Variants in WNT8B observed in about 807,000 individuals in gnomAD.
The protein encoded by WNT8B is protein Wnt-8b.
WNT8B carries 24 observed loss-of-function variants against 36.6 expected under a neutral mutation model. The ratio of observed to expected loss-of-function variants is 0.66; its 90% CI spans 0.48 to 0.92. The LOEUF (loss-of-function observed/expected upper bound fraction) is 0.92, where lower values mean the gene tolerates loss of function less well. Among genes scored for constraint, WNT8B ranks in the 40% least tolerant of loss-of-function variants. The pLI is 0.00. For synonymous variants in WNT8B, 199 were observed against 189.8 expected (o/e 1.05, Z -0.40); for missense variants, 402 against 470.8 (o/e 0.85, Z 1.35).
chr10:100,466,976 A>ATT (rs143845416), intron 1 of WNT8B, among the ~76,000 whole-genome samples: 5 of 150,386 alleles, frequency 3.3e-5, no homozygotes, highest in Admixed American at 6.6e-5. Flanking sequence ...CAGAAAGTGG[A>ATT]TTTTTTTTTT....
rs1370126773 is a variant in WNT8B, at chr10:100,483,174, C to A, written c.*358C>A. The A allele has an allele frequency of 4.5e-6, 1 of 222,512 alleles. No individual in the cohort carries two copies. The highest frequency in any genetic ancestry group is 2.3e-5 in the African/African-American group (1 of 43,894). 13.8% of individuals were successfully genotyped at this position (222,512 alleles called of 1,614,324 possible). On this transcript the variant is annotated 3_prime_UTR_variant, in exon 6 of 6. Coordinates refer to ENST00000343737, the MANE Select transcript of WNT8B (RefSeq NM_003393.4). ...GCTGGAAGAACCCTTCTCAGACACG[C>A]AGGACCCAGGTAAAGTCAAAGCTTT...
intron 3 of WNT8B, among the ~76,000 whole-genome samples, chr10:100,480,481 A>G (rs1851096092): frequency 6.6e-6 from 1 of 152,236 alleles, no homozygotes; most frequent in African/African-American, 2.4e-5. Context: ...GACTAACTGC[A>G]CATGACTCTT....
intron 2 of WNT8B, among the ~76,000 whole-genome samples, chr10:100,479,427 T>C (rs1851081356): frequency 6.6e-6 from 1 of 152,216 alleles, no homozygotes; most frequent in Non-Finnish European, 1.5e-5. Context: ...GCTGGAATTG[T>C]ACTACATGAT....
chr10:100,475,247 A>C (rs865833640), intron 1 of WNT8B, among the ~76,000 whole-genome samples: 2 of 152,032 alleles, frequency 1.3e-5, no homozygotes, highest in African/African-American at 4.8e-5. Flanking sequence ...GTCTCAAAAA[A>C]CAAACAAACA....
chr10:100,482,973 C>A lies in WNT8B; in HGVS notation c.*157C>A. ...TCTCCAAAGCTTGCCACTTTCCAGC[C>A]TGTTTCCCCAATTCCTCTGTGCTCT... On this transcript the variant is annotated 3_prime_UTR_variant, in exon 6 of 6. Transcript: ENST00000343737. This position sits in a 1 kb window ranked among gnomAD's most constrained non-coding sequence, Gnocchi z 6.6. The A allele has an allele frequency of 1.2e-6, 1 of 857,092 alleles. No homozygotes were observed. The highest frequency in any genetic ancestry group is 1.7e-6 in the Non-Finnish European group (1 of 587,438). The allele number at this position is 857,092 out of a possible 1,614,324, so 53.1% of individuals were successfully genotyped here.
chr10:100,467,995 T>A (rs1850925024), intron 1 of WNT8B, among the ~76,000 whole-genome samples: 1 of 152,228 alleles, frequency 6.6e-6, no homozygotes, highest in African/African-American at 2.4e-5. Context: ...TTCAGGCCAG[T>A]AATTAGAATG....
At chr10:100,479,173 C>T in intron 2 of WNT8B, 88 bp downstream of exon 2, 5 of 1,287,558 alleles carry the variant, frequency 3.9e-6, no homozygotes, top group South Asian at 2.8e-5. Flanking sequence ...TCATTATATC[C>T]ACATATTTTA....
Position 100,464,449 on chromosome 10 carries a change from T to A in WNT8B, c.68+1213T>A, listed in dbSNP as rs567794194. On this transcript the variant is annotated intron_variant, in intron 1 of 5. Coordinates refer to ENST00000343737, the MANE Select transcript of WNT8B (RefSeq NM_003393.4). ...TATTTCAGAGCATTTCTACTGATGT[T>A]CATGGTATTCTTCAGCTGATTCAGT... Among the ~76,000 whole-genome samples, 36 of 152,348 alleles carry A rather than the reference T, an allele frequency of 2.4e-4. No individual in the cohort carries two copies. In the South Asian group the frequency reaches 7.2e-3, roughly 31 times the overall value.
chr10:100,474,369 TC>T (rs2133654296), intron 1 of WNT8B, among the ~76,000 whole-genome samples: 1 of 152,324 alleles, frequency 6.6e-6, no homozygotes, highest in South Asian at 2.1e-4. Context: ...TTAGCATCTT[TC>T]CTTCAATCAC....
rs1851132401 is a variant in WNT8B, at chr10:100,482,580, A to C, written c.820A>C (p.Arg274=). ...LLGTEGRECL[R]RGRALGRWER... Reference sequence around the variant, plus strand: ...GGGCACCGAAGGCCGAGAGTGCCTAAGGCGCGGGCGGGCCCTGGGTCGCTG... The same window carrying C: ...GGGCACCGAAGGCCGAGAGTGCCTACGGCGCGGGCGGGCCCTGGGTCGCTG... Residue 274 remains arginine, a synonymous_variant, in exon 6 of 6, where the codon AGG becomes CGG. Transcript: ENST00000343737. The surrounding 1 kb of genome is among the most constrained non-coding windows in gnomAD (Gnocchi z 6.6). 6.3e-7 allele frequency: 1 copy of C among 1,598,012 alleles called. No individual in the cohort carries two copies. The highest frequency in any genetic ancestry group is 1.7e-5 in the Admixed American group (1 of 59,546).
At position 100,482,122 on chromosome 10, in the gene WNT8B, A is replaced by C. The variant is rs1475556598; in HGVS notation, c.510+68A>C. The C allele has an allele frequency of 6.2e-7, 1 of 1,603,848 alleles. No individual in the cohort carries two copies. Among genetic ancestry groups the C allele is most frequent in the African/African-American group, 1.3e-5 (1 of 74,754 alleles). ...TCCACTACCAGCTCCAGGTGCGGAC[A>C]ACTCTTCAGTTCATTTAAAAGATTG... is the stretch of plus-strand genomic sequence containing the variant. On this transcript the variant is annotated intron_variant, in intron 5 of 5. Coordinates refer to ENST00000343737, the MANE Select transcript of WNT8B (RefSeq NM_003393.4). This position sits in a 1 kb window ranked among gnomAD's most constrained non-coding sequence, Gnocchi z 6.6.
At position 100,482,670 on chromosome 10, in the gene WNT8B, G is replaced by A. The variant is rs1350452920; in HGVS notation, c.910G>A (p.Glu304Lys). 3.1e-6 allele frequency: 5 copies of A among 1,608,814 alleles called. No homozygotes were observed. The highest frequency in any genetic ancestry group is 1.3e-5 in the African/African-American group (1 of 74,884). The change falls in exon 6 of 6, where the codon GAG becomes AAG. Residue 304 changes from glutamate (E) to lysine (K), a missense_variant. Coordinates refer to ENST00000343737, the MANE Select transcript of WNT8B (RefSeq NM_003393.4). The surrounding 1 kb of genome is among the most constrained non-coding windows in gnomAD (Gnocchi z 6.6). ...GCTGGCGGTGGAGGAGCGCCGGGCCGAGACCGTGTCCAGCTGCAACTGCAA... is the reference window on the plus strand; with the variant it reads ...GCTGGCGGTGGAGGAGCGCCGGGCCAAGACCGTGTCCAGCTGCAACTGCAA... ...CGLAVEERRA[E>K]TVSSCNCKFH... is the part of the protein sequence containing the mutation.
At position 100,481,057 on chromosome 10, in the gene WNT8B, A is replaced by C; in HGVS notation, c.301A>C (p.Thr101Pro). 6.2e-7 allele frequency: 1 copy of C among 1,614,098 alleles called. No individual in the cohort carries two copies. Among genetic ancestry groups the C allele is most frequent in the Non-Finnish European group, 8.5e-7 (1 of 1,180,004 alleles). Reference protein sequence around the residue: ...ISSAGVMYTLTRNCSLGDFDN... With the variant: ...ISSAGVMYTLPRNCSLGDFDN... ...TTCTGCTGGAGTCATGTACACCCTG[A>C]CTAGAAACTGCAGCCTTGGAGATTT... Residue 101 changes from threonine (T) to proline (P), a missense_variant, in exon 4 of 6, where the codon ACT (threonine) becomes CCT (proline). Physicochemically the swap from Thr to Pro is conservative, Grantham distance 38. Coordinates refer to ENST00000343737, the MANE Select transcript of WNT8B (RefSeq NM_003393.4).
intron 1 of WNT8B, among the ~76,000 whole-genome samples, chr10:100,467,184 C>CT (rs1314203919): frequency 6.6e-6 from 1 of 152,104 alleles, no homozygotes; most frequent in Non-Finnish European, 1.5e-5. Context: ...TTTTCTCAAT[C>CT]TTTATTGTAA....
In WNT8B at chr10:100,482,692, G is replaced by A. The variant is rs1188334634; in HGVS notation, c.932G>A (p.Cys311Tyr). Residue 311 changes from cysteine to tyrosine, a missense_variant, in exon 6 of 6, where the codon TGC becomes TAC. Coordinates refer to ENST00000343737, the MANE Select transcript of WNT8B (RefSeq NM_003393.4). This position sits in a 1 kb window ranked among gnomAD's most constrained non-coding sequence, Gnocchi z 6.6. ...RRAETVSSCN[C>Y]KFHWCCAVRC... Reference sequence around the variant, plus strand: ...GCCGAGACCGTGTCCAGCTGCAACTGCAAGTTCCACTGGTGCTGCGCAGTC... The same window carrying A: ...GCCGAGACCGTGTCCAGCTGCAACTACAAGTTCCACTGGTGCTGCGCAGTC... The A allele has an allele frequency of 1.2e-6, 2 of 1,610,452 alleles. No individual in the cohort carries two copies. Among genetic ancestry groups the A allele is most frequent in the South Asian group, 1.1e-5 (1 of 90,916 alleles).
At chr10:100,478,104 G>A (rs566009439) in intron 1 of WNT8B, among the ~76,000 whole-genome samples, 3 of 152,216 alleles carry the variant, frequency 2.0e-5, no homozygotes, top group African/African-American at 7.2e-5. Flanking sequence ...TTTAAAAGGG[G>A]CAGCCAAACC....
In WNT8B at chr10:100,469,870, G is replaced by A. The variant is rs79304185; in HGVS notation, c.68+6634G>A. 5.8e-3 allele frequency among the ~76,000 whole-genome samples: 879 copies of A among 152,308 alleles called. 2 individuals are homozygous for A. Among genetic ancestry groups the A allele is most frequent in the Non-Finnish European group, 0.011 (717 of 68,028 alleles). ...AGGCATCTTGGGAGTTCTATGGACT[G>A]AAAAGCTGCTGTCAGAACTCATTCT... On this transcript the variant is annotated intron_variant, in intron 1 of 5. Transcript: ENST00000343737.
chr10:100,465,152 C>T (rs1850895784), intron 1 of WNT8B, among the ~76,000 whole-genome samples: 1 of 152,102 alleles, frequency 6.6e-6, no homozygotes, highest in South Asian at 2.1e-4. Flanking sequence ...AATTCCTGGG[C>T]TTGAAAAGGA....
intron 1 of WNT8B, among the ~76,000 whole-genome samples, chr10:100,469,012 T>G (rs1282787379): frequency 6.6e-6 from 1 of 152,246 alleles, no homozygotes; most frequent in Non-Finnish European, 1.5e-5. Context: ...GGGCACTGCA[T>G]CATTATATAA....
Sources: gnomAD v4.1 joint callset for allele counts (sites outside exome capture counted in the v4.1 genomes callset) on GRCh38, gnomAD v4.1.1 for gene constraint, Gnocchi (gnomAD v3.1) non-coding constraint, MANE v1.5 for transcripts, NCBI Gene and HGNC (gene_info 2026-07-23, HGNC 2026-07-21) for gene names.